Variants in ZC3H7B observed in about 807,000 individuals in gnomAD.
The protein encoded by ZC3H7B is zinc finger CCCH-type containing 7B.
Under a neutral mutation model 116.0 loss-of-function variants are expected in ZC3H7B, and 35 were observed. The observed-to-expected ratio is 0.30, with a 90% CI of 0.23 to 0.40. The LOEUF is 0.40. Among genes scored for constraint, ZC3H7B ranks in the 10% least tolerant of loss-of-function variants. The pLI, the probability that ZC3H7B is intolerant of heterozygous loss-of-function variation, is 1.00. For missense variants in ZC3H7B, 1,011 were observed against 1,321.5 expected (o/e 0.77, Z 3.64); for synonymous variants, 502 against 545.6 (o/e 0.92, Z 1.11).
At position 41,341,097 on chromosome 22, in the gene ZC3H7B, A is replaced by G. The variant is rs1019471326; in HGVS notation, c.1148A>G (p.Asn383Ser). The change falls in exon 11 of 23, where the codon AAC (asparagine) becomes AGC (serine). Residue 383 changes from asparagine (N) to serine (S), a missense_variant. Physicochemically the swap from Asn to Ser is conservative, Grantham distance 46. Coordinates refer to ENST00000352645, the MANE Select transcript of ZC3H7B (RefSeq NM_017590.6). ...TCTTCTCCCTGCCCAGAGGAGACCAACTCACAGGACCACCGTCCCCCTAGC... is the reference window on the plus strand; with the variant it reads ...TCTTCTCCCTGCCCAGAGGAGACCAGCTCACAGGACCACCGTCCCCCTAGC... ...DKPDSFMEET[N>S]SQDHRPPSGA... 2.5e-6 allele frequency: 4 copies of G among 1,613,626 alleles called. No individual in the cohort carries two copies. The highest frequency in any genetic ancestry group is 3.3e-5 in the Admixed American group (2 of 59,946).
chr22:41,304,659 C>G (rs2036017073), intron 1 of ZC3H7B, among the ~76,000 whole-genome samples: 1 of 152,144 alleles, frequency 6.6e-6, no homozygotes, highest in African/African-American at 2.4e-5. Flanking sequence ...ATTTGAACTT[C>G]AAAGAATGGG....
At chr22:41,308,469 T>C (rs1443728577) in intron 1 of ZC3H7B, among the ~76,000 whole-genome samples, 2 of 152,170 alleles carry the variant, frequency 1.3e-5, no homozygotes, top group East Asian at 3.8e-4. Flanking sequence ...GCCGTACTGA[T>C]CCTGTCGAAT....
chr22:41,330,582 T>A (rs564067919), intron 6 of ZC3H7B, among the ~76,000 whole-genome samples: 2 of 152,312 alleles, frequency 1.3e-5, no homozygotes, highest in African/African-American at 4.8e-5. Flanking sequence ...TCCACCTTGG[T>A]TTCCTCATCT....
At chr22:41,343,272 T>A in intron 12 of ZC3H7B, 143 bp from the exon 13 acceptor site, 1 of 1,070,680 alleles carries the variant, frequency 9.3e-7, no homozygotes, top group Non-Finnish European at 1.3e-6. Flanking sequence ...CCAGGAAGGG[T>A]GTGGTGGGAG....
chr22:41,354,671 T>G (rs1361287936), intron 17 of ZC3H7B, among the ~76,000 whole-genome samples: 1 of 152,130 alleles, frequency 6.6e-6, no homozygotes, highest in Non-Finnish European at 1.5e-5. Flanking sequence ...CTGGCCAATG[T>G]AGCCAGCTGA....
Position 41,349,361 on chromosome 22 carries a change from G to A in ZC3H7B, c.1948+60G>A. ...ACTCAGGTGAGGGGTAGGCGGCGCA[G>A]GTGAAGGGAGCGCAGGACTGACTGG... On this transcript the variant is annotated intron_variant, in intron 16 of 22. Coordinates refer to ENST00000352645, the MANE Select transcript of ZC3H7B (RefSeq NM_017590.6). The surrounding 1 kb of genome is among the most constrained non-coding windows in gnomAD (Gnocchi z 4.9). 1.3e-6 allele frequency: 2 copies of A among 1,590,760 alleles called. No homozygotes were observed. Among genetic ancestry groups the A allele is most frequent in the Non-Finnish European group, 1.7e-6 (2 of 1,168,108 alleles).
intron 6 of ZC3H7B, among the ~76,000 whole-genome samples, chr22:41,331,011 A>C (rs2036374928): frequency 6.8e-6 from 1 of 146,564 alleles, no homozygotes; most frequent in Non-Finnish European, 1.5e-5. Flanking sequence ...CTGGGATTAC[A>C]GGCGCCCGCC....
rs1264798001 is a variant in ZC3H7B, at chr22:41,351,032, C to T, written c.1949-529C>T. ...CTCAGTGGCAACAGTCTGAGGCTGGCGGGGAGACAGACTGGAGAGTCCATG... is the reference window on the plus strand; with the variant it reads ...CTCAGTGGCAACAGTCTGAGGCTGGTGGGGAGACAGACTGGAGAGTCCATG... On this transcript the variant is annotated intron_variant, in intron 16 of 22. Coordinates refer to ENST00000352645, the MANE Select transcript of ZC3H7B (RefSeq NM_017590.6). This position sits in a 1 kb window ranked among gnomAD's most constrained non-coding sequence, Gnocchi z 5.1. 1.3e-5 allele frequency among the ~76,000 whole-genome samples: 2 copies of T among 152,176 alleles called. No individual in the cohort carries two copies. Among genetic ancestry groups the T allele is most frequent in the South Asian group, 2.1e-4 (1 of 4,834 alleles).
chr22:41,355,148 C>T (rs1349344062), intron 17 of ZC3H7B, among the ~76,000 whole-genome samples: 4 of 152,154 alleles, frequency 2.6e-5, no homozygotes, highest in South Asian at 2.1e-4. Flanking sequence ...GGAAGGGCAG[C>T]GGGAACAGCC....
chr22:41,309,256 C>T (rs1361047393), intron 1 of ZC3H7B, among the ~76,000 whole-genome samples: 1 of 151,814 alleles, frequency 6.6e-6, no homozygotes, highest in Non-Finnish European at 1.5e-5. Flanking sequence ...GTGATCCGCC[C>T]ATCTCGGCCT....
intron 1 of ZC3H7B, among the ~76,000 whole-genome samples, chr22:41,319,207 C>A (rs991362017): frequency 1.3e-5 from 2 of 152,138 alleles, no homozygotes; most frequent in Non-Finnish European, 2.9e-5. Flanking sequence ...CGAGACCATC[C>A]TGGCTAACAC....
chr22:41,343,810 T>G (rs1268039745), intron 13 of ZC3H7B, among the ~76,000 whole-genome samples: 2 of 152,170 alleles, frequency 1.3e-5, no homozygotes, highest in African/African-American at 4.8e-5. Context: ...TTTGGGACAT[T>G]CAGCTGGAGA....
rs749870119 is a variant in ZC3H7B at position 41,327,374 on chromosome 22, G to A, written c.444+10G>A. ...CCTCGCCCTGCCCCACGTGAGTGTG[G>A]CTCTGCAGCCACGCCGGTGCCTGCT... On this transcript the variant is annotated intron_variant, in intron 5 of 22. Coordinates refer to ENST00000352645, the MANE Select transcript of ZC3H7B (RefSeq NM_017590.6). The surrounding 1 kb of genome is among the most constrained non-coding windows in gnomAD (Gnocchi z 4.5). The A allele has an allele frequency of 1.9e-6, 3 of 1,608,114 alleles. No individual in the cohort carries two copies. The highest frequency in any genetic ancestry group is 2.5e-6 in the Non-Finnish European group (3 of 1,179,706).
rs751969810 is a variant in ZC3H7B at position 41,355,464 on chromosome 22, C to A, written c.2035-5C>A. On this transcript the variant is annotated splice_polypyrimidine_tract_variant and splice_region_variant and intron_variant, in intron 17 of 22. Coordinates refer to ENST00000352645, the MANE Select transcript of ZC3H7B (RefSeq NM_017590.6). ...TCACCAACCCCCCTCCCCATCCCCCCACAGGGTGCTCCGAGGACACATGGG... is the reference window on the plus strand; with the variant it reads ...TCACCAACCCCCCTCCCCATCCCCCAACAGGGTGCTCCGAGGACACATGGG... 73 of 1,613,754 alleles carry A rather than the reference C, an allele frequency of 4.5e-5. No individual in the cohort carries two copies. Among genetic ancestry groups the A allele is most frequent in the Middle Eastern group, 1.6e-4 (1 of 6,080 alleles).
chr22:41,320,783 C>G (rs2036245832), intron 2 of ZC3H7B, 70 bp downstream of exon 2: 1 of 1,588,050 alleles, frequency 6.3e-7, no homozygotes, highest in African/African-American at 1.3e-5. Flanking sequence ...GCCATGCCCT[C>G]CCAGCGCTCC....
intron 4 of ZC3H7B, among the ~76,000 whole-genome samples, chr22:41,326,974 C>T (rs368419312): frequency 9.2e-5 from 14 of 152,322 alleles, no homozygotes; most frequent in African/African-American, 2.6e-4. Flanking sequence ...ATATCCTGCC[C>T]GTGCCCACTG....
At chr22:41,326,458 CT>C (rs925038265) in intron 4 of ZC3H7B, among the ~76,000 whole-genome samples, 9 of 150,884 alleles carry the variant, frequency 6.0e-5, no homozygotes, top group Non-Finnish European at 1.2e-4. Context: ...CTCACTGTTT[CT>C]TCCATAGCCT....
intron 1 of ZC3H7B, among the ~76,000 whole-genome samples, chr22:41,318,638 G>C (rs573259591): frequency 6.6e-6 from 1 of 151,128 alleles, no homozygotes; most frequent in Admixed American, 6.6e-5. Flanking sequence ...GATCTCAGCT[G>C]CTTGGGAGGC....
chr22:41,319,586 A>T (rs959259418), intron 1 of ZC3H7B, among the ~76,000 whole-genome samples: 4 of 151,632 alleles, frequency 2.6e-5, no homozygotes, highest in African/African-American at 9.7e-5. Context: ...AAAAAAAAAA[A>T]AAAGGTCAAA....
Sources: allele counts gnomAD v4.1 joint callset (sites outside exome capture counted in the v4.1 genomes callset), GRCh38; gene constraint gnomAD v4.1.1; non-coding constraint Gnocchi (gnomAD v3.1); transcripts MANE v1.5; gene names NCBI Gene and HGNC (gene_info 2026-07-23, HGNC 2026-07-21).